LNP1: variants seen among roughly 807,000 people sequenced by gnomAD.
The protein encoded by LNP1 is leukemia NUP98 fusion partner 1.
A neutral mutation model predicts 14.5 loss-of-function variants in LNP1; 12 were observed. That is an observed-to-expected ratio of 0.83 (90% confidence interval 0.53 to 1.34). The LOEUF is 1.34. Among genes scored for constraint, LNP1 ranks in the 40% most tolerant of loss-of-function variants. LNP1 has a pLI of 0.00. For missense variants in LNP1, 198 were observed against 210.9 expected (o/e 0.94, Z 0.38); for synonymous variants, 75 against 71.4 (o/e 1.05, Z -0.26).
chr3:100,430,772 T>TA (rs1283728330), intron 2 of LNP1, among the ~76,000 whole-genome samples: 1 of 152,222 alleles, frequency 6.6e-6, no homozygotes, highest in Non-Finnish European at 1.5e-5. Context: ...ATAATGTCTA[T>TA]AAGACATATG....
At chr3:100,452,202 CTTTTTTTTTT>C (rs1321009854) in intron 3 of LNP1, among the ~76,000 whole-genome samples, 2 of 129,320 alleles carry the variant, frequency 1.5e-5, no homozygotes, top group African/African-American at 2.9e-5. Flanking sequence ...GTTTTTCTTT[CTTTTTTTTTT>C]TTTTTTTTGA....
chr3:100,404,295 G>A (rs971054783), intron 1 of LNP1, among the ~76,000 whole-genome samples: 2 of 152,176 alleles, frequency 1.3e-5, no homozygotes, highest in African/African-American at 4.8e-5. Flanking sequence ...GGAGAATAGA[G>A]TCTTCTGGTT....
Position 100,455,798 on chromosome 3 carries a change from AGAAAT to A in LNP1, c.414_418del (p.Asn138LysfsTer21). 6.2e-7 allele frequency: 1 copy of A among 1,614,010 alleles called. No homozygotes were observed. The highest frequency in any genetic ancestry group is 8.5e-7 in the Non-Finnish European group (1 of 1,179,954). ...TCAGGGACCTGAAAGCAGAAAGGAG[AGAAAT>A]GAAAGAGAATGCCTGAGGATGGAGA... On this transcript the variant is annotated frameshift_variant, in exon 4 of 4. Coordinates refer to ENST00000383693, the MANE Select transcript of LNP1 (RefSeq NM_001085451.2). LOFTEE classifies it low-confidence loss of function (END_TRUNC).
chr3:100,413,489 G>A (rs1032979183), intron 1 of LNP1, among the ~76,000 whole-genome samples: 2 of 152,194 alleles, frequency 1.3e-5, no homozygotes, highest in Non-Finnish European at 2.9e-5. Flanking sequence ...TAGCTCATAT[G>A]TATATTTTTA....
chr3:100,451,191 C>T (rs1291703396), intron 2 of LNP1, among the ~76,000 whole-genome samples: 1 of 152,130 alleles, frequency 6.6e-6, no homozygotes, highest in African/African-American at 2.4e-5. Context: ...GAATTCATGC[C>T]CCTGACACAG....
intron 2 of LNP1, among the ~76,000 whole-genome samples, chr3:100,436,348 C>T (rs972693517): frequency 3.9e-5 from 6 of 152,136 alleles, no homozygotes; most frequent in Non-Finnish European, 7.3e-5. Context: ...CCTCCCATCC[C>T]GTCATGGCTC....
chr3:100,430,314 A>G (rs897415885), intron 2 of LNP1, among the ~76,000 whole-genome samples: 3 of 152,206 alleles, frequency 2.0e-5, no homozygotes, highest in Admixed American at 2.0e-4. Context: ...CCACATGACA[A>G]GTCACTACCT....
At chr3:100,404,968 A>ATTTTTAGTAGAGACGGGGTTTCAC (rs2148897692) in intron 1 of LNP1, among the ~76,000 whole-genome samples, 1 of 151,572 alleles carries the variant, frequency 6.6e-6, no homozygotes, top group Non-Finnish European at 1.5e-5. Flanking sequence ...AATTTTTTGT[A>ATTTTTAGTAGAGACGGGGTTTCAC]TTTTTAGTAG....
intron 2 of LNP1, among the ~76,000 whole-genome samples, chr3:100,438,126 G>A (rs750459750): frequency 2.0e-5 from 3 of 152,098 alleles, no homozygotes; most frequent in Non-Finnish European, 4.4e-5. Flanking sequence ...TTCTCATTAT[G>A]TCTCATCTTG....
intron 1 of LNP1, among the ~76,000 whole-genome samples, chr3:100,417,477 G>A (rs1053237979): frequency 2.3e-5 from 3 of 133,004 alleles, no homozygotes; most frequent in African/African-American, 2.8e-5. Context: ...CCCAGGCTAA[G>A]CACTTCTCCT....
At chr3:100,452,040 A>C in intron 3 of LNP1, 91 bp downstream of exon 3, 3 of 709,716 alleles carry the variant, frequency 4.2e-6, no homozygotes. Flanking sequence ...AACAAATGTA[A>C]CTTCTTCATT....
intron 2 of LNP1, among the ~76,000 whole-genome samples, chr3:100,445,111 A>G (rs1391832272): frequency 6.6e-6 from 1 of 152,158 alleles, no homozygotes; most frequent in Non-Finnish European, 1.5e-5. Context: ...CATCTCTACT[A>G]AAACACAAAA....
At chr3:100,407,630 A>G (rs1485947740) in intron 1 of LNP1, among the ~76,000 whole-genome samples, 1 of 152,072 alleles carries the variant, frequency 6.6e-6, no homozygotes, top group Non-Finnish European at 1.5e-5. Context: ...CTATTTATAT[A>G]TTTCTCCAGG....
intron 1 of LNP1, among the ~76,000 whole-genome samples, chr3:100,409,821 C>G (rs924012070): frequency 2.0e-5 from 3 of 151,510 alleles, no homozygotes; most frequent in Non-Finnish European, 4.4e-5. Flanking sequence ...TGTTGAACTC[C>G]TGACCTCAGG....
chr3:100,455,787 G>C lies in LNP1; in HGVS notation c.398G>C (p.Ser133Thr). The C allele has an allele frequency of 1.2e-6, 2 of 1,613,940 alleles. No homozygotes were observed. The highest frequency in any genetic ancestry group is 2.7e-5 in the African/African-American group (2 of 74,994). ...ATCTTTCCCTTTCAGGGACCTGAAA[G>C]CAGAAAGGAGAGAAATGAAAGAGAA... ...TKRSASLGPE[S>T]RKERNERECL... The change falls in exon 4 of 4, where the codon AGC becomes ACC. Residue 133 changes from serine (S) to threonine (T), a missense_variant. By Grantham distance (58) the Ser-to-Thr change is moderately conservative (BLOSUM62 1). Transcript: ENST00000383693.
intron 2 of LNP1, among the ~76,000 whole-genome samples, chr3:100,432,720 A>G (rs1361498186): frequency 6.6e-6 from 1 of 152,228 alleles, no homozygotes; most frequent in African/African-American, 2.4e-5. Flanking sequence ...CAAAACTGAA[A>G]TAAAACAGTT....
chr3:100,440,015 T>A (rs1162262601), intron 2 of LNP1, among the ~76,000 whole-genome samples: 2 of 152,220 alleles, frequency 1.3e-5, no homozygotes, highest in Non-Finnish European at 2.9e-5. Context: ...CTTACAGTTC[T>A]GGAGGCTAGG....
chr3:100,409,155 C>G (rs1334811557), intron 1 of LNP1, among the ~76,000 whole-genome samples: 2 of 152,240 alleles, frequency 1.3e-5, no homozygotes, highest in African/African-American at 4.8e-5. Context: ...ACTTGACCCA[C>G]TGATGAATAA....
rs565769310 is a variant in LNP1 at position 100,418,059 on chromosome 3, A to ACTTTTTTTTTTTTT, written c.-33-11638_-33-11637insCTTTTTTTTTTTTT. 8.6e-5 allele frequency among the ~76,000 whole-genome samples: 10 copies of ACTTTTTTTTTTTTT among 115,622 alleles called. 4 individuals carry two copies. The highest frequency in any genetic ancestry group is 8.7e-5 in the Admixed American group (1 of 11,516). The allele number at this position is 115,622 out of a possible 152,430, so 75.9% of individuals were successfully genotyped here. ...GTTTTGTTCTTTCATTTCTCATACC[A>ACTTTTTTTTTTTTT]TTTTTTTTTTTTTTTTTTGAGATGG... On this transcript the variant is annotated intron_variant, in intron 1 of 3. Coordinates refer to ENST00000383693, the MANE Select transcript of LNP1 (RefSeq NM_001085451.2).
Sources: allele counts gnomAD v4.1 joint callset (sites outside exome capture counted in the v4.1 genomes callset), GRCh38; gene constraint gnomAD v4.1.1; transcripts MANE v1.5; gene names NCBI Gene and HGNC (gene_info 2026-07-23, HGNC 2026-07-21).